The following GPC6 variants were observed in gnomAD, a reference collection of about 807,000 sequenced individuals.
GPC6 encodes the protein glypican 6.
Under a neutral mutation model 55.2 loss-of-function variants are expected in GPC6, and 14 were observed. That is an observed-to-expected ratio of 0.25 (90% CI 0.17 to 0.40). The LOEUF is 0.40. GPC6 is among the 10% of genes least tolerant of loss of function. The pLI is 1.00. For synonymous variants in GPC6, 278 were observed against 259.6 expected, an observed-to-expected ratio of 1.07 and a Z score of -0.68; for missense variants, 641 against 708.5, an observed-to-expected ratio of 0.90 and a Z score of 1.08.
intron 6 of GPC6, among the ~76,000 whole-genome samples, chr13:94,357,060 A>G (rs567445515): frequency 2.6e-5 from 4 of 152,212 alleles, no homozygotes; most frequent in African/African-American, 9.6e-5. Context: ...TGGCTTTCCC[A>G]GCGCCATACC....
At chr13:93,914,621 T>C (rs181432067) in intron 3 of GPC6, among the ~76,000 whole-genome samples, 35 of 152,362 alleles carry the variant, frequency 2.3e-4, no homozygotes, top group African/African-American at 7.7e-4. Flanking sequence ...TCTGTGTTAT[T>C]AGAATGCCAT....
intron 1 of GPC6, among the ~76,000 whole-genome samples, chr13:93,396,188 T>C (rs1490525262): frequency 6.6e-6 from 1 of 152,212 alleles, no homozygotes; most frequent in African/African-American, 2.4e-5. Context: ...GTGTTTATTG[T>C]AGAAATGTTA....
intron 3 of GPC6, among the ~76,000 whole-genome samples, chr13:94,007,999 A>G (rs577222578): frequency 6.6e-5 from 10 of 152,294 alleles, no homozygotes; most frequent in Admixed American, 3.3e-4. Context: ...CTCACTTTAT[A>G]TATTTGTCAA....
chr13:93,916,336 G>T (rs1877292381), intron 3 of GPC6, among the ~76,000 whole-genome samples: 1 of 152,118 alleles, frequency 6.6e-6, no homozygotes, highest in South Asian at 2.1e-4. Context: ...ACTTCTTGCT[G>T]CTTTTTGGTT....
At chr13:93,970,612 A>G (rs1488095072) in intron 3 of GPC6, among the ~76,000 whole-genome samples, 1 of 152,198 alleles carries the variant, frequency 6.6e-6, no homozygotes, top group Non-Finnish European at 1.5e-5. Context: ...ATCCAATGAT[A>G]TGACACTGTG....
At chr13:93,725,162 A>G (rs1443619502) in intron 2 of GPC6, among the ~76,000 whole-genome samples, 1 of 152,110 alleles carries the variant, frequency 6.6e-6, no homozygotes. Context: ...AAAATTTCAA[A>G]TATCCTTAAA....
intron 1 of GPC6, among the ~76,000 whole-genome samples, chr13:93,478,109 G>C (rs1879366597): frequency 6.6e-6 from 1 of 152,070 alleles, no homozygotes; most frequent in Non-Finnish European, 1.5e-5. Context: ...ATCTGGTCAA[G>C]AAATGATTTC....
At chr13:93,870,063 A>G (rs538678249) in intron 3 of GPC6, among the ~76,000 whole-genome samples, 2 of 151,940 alleles carry the variant, frequency 1.3e-5, no homozygotes, top group Non-Finnish European at 2.9e-5. Flanking sequence ...AAGATTCAGG[A>G]TTTGAATCCT....
chr13:94,089,269 G>C (rs1452044183), intron 4 of GPC6, among the ~76,000 whole-genome samples: 1 of 152,166 alleles, frequency 6.6e-6, no homozygotes, highest in Non-Finnish European at 1.5e-5. Context: ...GCCTGAGAGA[G>C]AGATGGATTA....
intron 2 of GPC6, among the ~76,000 whole-genome samples, chr13:93,603,141 C>T (rs1374238096): frequency 6.6e-6 from 1 of 152,110 alleles, no homozygotes; most frequent in African/African-American, 2.4e-5. Context: ...TCCTGAGTAG[C>T]TGGGACCACA....
chr13:93,974,327 A>G (rs1389321548), intron 3 of GPC6, among the ~76,000 whole-genome samples: 1 of 152,202 alleles, frequency 6.6e-6, no homozygotes, highest in Non-Finnish European at 1.5e-5. Context: ...AAAAACTTGG[A>G]ATACAGAGAA....
chr13:93,614,303 CTG>C (rs1429480777), intron 2 of GPC6, among the ~76,000 whole-genome samples: 1 of 152,148 alleles, frequency 6.6e-6, no homozygotes, highest in African/African-American at 2.4e-5. Flanking sequence ...TCTGTTATAT[CTG>C]TATACATTTT....
intron 2 of GPC6, among the ~76,000 whole-genome samples, chr13:93,679,047 T>A (rs553277536): frequency 6.6e-6 from 1 of 152,274 alleles, no homozygotes; most frequent in African/African-American, 2.4e-5. Flanking sequence ...ATTTTTGATT[T>A]ATAGAAAATA....
chr13:93,616,695 C>G lies in GPC6; in HGVS notation c.319+71274C>G, dbSNP rs1269411497. 2.0e-5 allele frequency among the ~76,000 whole-genome samples: 3 copies of G among 152,034 alleles called. No homozygotes were observed. In the South Asian group the frequency reaches 6.2e-4, roughly 32 times the overall value. ...ATATATCAGTCATTTCTTGAAGTAG[C>G]AAGTGTTGCCTTAAAATAATGTTTT... On this transcript the variant is annotated intron_variant, in intron 2 of 8. Transcript: ENST00000377047.
chr13:94,316,966 A>T (rs1594162554), intron 6 of GPC6, among the ~76,000 whole-genome samples: 1 of 152,238 alleles, frequency 6.6e-6, no homozygotes, highest in Non-Finnish European at 1.5e-5. Flanking sequence ...ATTTAAAATC[A>T]CCAAGAATTC....
chr13:93,658,124 A>G lies in GPC6; in HGVS notation c.319+112703A>G, dbSNP rs550892882. Among the ~76,000 whole-genome samples, 80 of 152,110 alleles carry G rather than the reference A, an allele frequency of 5.3e-4. 2 individuals carry two copies. In the South Asian group the frequency reaches 0.016, roughly 31 times the overall value. On this transcript the variant is annotated intron_variant, in intron 2 of 8. Transcript: ENST00000377047. ...TGTAACATTTGATGAGTTTTGATAA[A>G]TATAATCACTTTTACATTATCCAAT... is the stretch of plus-strand genomic sequence containing the variant.
At chr13:93,702,019 G>A (rs1175772195) in intron 2 of GPC6, among the ~76,000 whole-genome samples, 2 of 151,958 alleles carry the variant, frequency 1.3e-5, no homozygotes, top group East Asian at 3.9e-4. Context: ...GTTTGTCATG[G>A]CATCCAGAAG....
chr13:93,680,242 A>T (rs1322105930), intron 2 of GPC6, among the ~76,000 whole-genome samples: 2 of 152,116 alleles, frequency 1.3e-5, no homozygotes, highest in Non-Finnish European at 2.9e-5. Context: ...GACAGTGTGA[A>T]CAGACACAGG....
At chr13:93,825,942 C>T (rs1461373551) in intron 2 of GPC6, among the ~76,000 whole-genome samples, 1 of 147,214 alleles carries the variant, frequency 6.8e-6, no homozygotes, top group African/African-American at 2.5e-5. Flanking sequence ...CTCATTGCAA[C>T]CTCCGCTTCC....
Sources: gnomAD v4.1 joint callset for allele counts (sites outside exome capture counted in the v4.1 genomes callset) on GRCh38, gnomAD v4.1.1 for gene constraint, MANE v1.5 for transcripts, NCBI Gene and HGNC (gene_info 2026-07-23, HGNC 2026-07-21) for gene names.